IFNAR1: variants seen among roughly 807,000 people sequenced by gnomAD.
The protein encoded by IFNAR1 is interferon alpha and beta receptor subunit 1.
Under a neutral mutation model 62.1 loss-of-function variants are expected in IFNAR1, and 47 were observed. The observed-to-expected ratio is 0.76, with a 90% CI of 0.60 to 0.97. The LOEUF is 0.97. IFNAR1 is among the 50% of genes least tolerant of loss of function. The probability of loss-of-function intolerance (pLI) is 0.00; values close to 1 mark genes in which losing one functional copy is unlikely to be tolerated. For missense variants in IFNAR1, 638 were observed against 654.5 expected (o/e 0.97, Z 0.27); for synonymous variants, 219 against 226.9 (o/e 0.97, Z 0.31).
At chr21:33,339,643 C>A (rs923368669) in intron 2 of IFNAR1, among the ~76,000 whole-genome samples, 1 of 151,942 alleles carries the variant, frequency 6.6e-6, no homozygotes, top group Non-Finnish European at 1.5e-5. Flanking sequence ...CTAAATTGGC[C>A]GGGCATGGTG....
chr21:33,330,347 T>C (rs1473846650), intron 1 of IFNAR1, among the ~76,000 whole-genome samples: 1 of 152,170 alleles, frequency 6.6e-6, no homozygotes, highest in African/African-American at 2.4e-5. Context: ...AATCTCCCTC[T>C]GCTTCATTTT....
chr21:33,347,319 G>A (rs1280474160), intron 6 of IFNAR1, among the ~76,000 whole-genome samples: 1 of 152,174 alleles, frequency 6.6e-6, no homozygotes, highest in African/African-American at 2.4e-5. Flanking sequence ...TAGTAGAAAC[G>A]GGGTTTCACC....
chr21:33,344,505 A>G (rs532334453), intron 5 of IFNAR1, among the ~76,000 whole-genome samples: 1 of 148,778 alleles, frequency 6.7e-6, no homozygotes, highest in African/African-American at 2.4e-5. Flanking sequence ...CTTATCCCCA[A>G]TTCCATTCAC....
In IFNAR1 at chr21:33,353,768, T is replaced by C. The variant is rs899734810; in HGVS notation, c.1425T>C (p.Ser475=). 4 of 1,579,010 alleles carry C rather than the reference T, an allele frequency of 2.5e-6. No individual in the cohort carries two copies. Among genetic ancestry groups the C allele is most frequent in the African/African-American group, 2.7e-5 (2 of 72,844 alleles). ...NYVFFPSLKP[S]SSIDEYFSEQ... ...TCTTCTTTCCATCACTTAAACCTTC[T>C]TCCAGTATAGATGAGGTATGTTACT... Residue 475 remains serine, a synonymous_variant, in exon 10 of 11, where the codon TCT becomes TCC. Coordinates refer to ENST00000270139, the MANE Select transcript of IFNAR1 (RefSeq NM_000629.3).
intron 1 of IFNAR1, among the ~76,000 whole-genome samples, chr21:33,331,312 C>T (rs2083178102): frequency 6.6e-6 from 1 of 152,150 alleles, no homozygotes; most frequent in Admixed American, 6.5e-5. Flanking sequence ...GGAAACAGGG[C>T]CTGAACCACC....
Position 33,349,514 on chromosome 21 carries a change from A to AT in IFNAR1, c.1120dup (p.Trp374LeufsTer8). ...GGATTATCCACTGATTTATGAAATT[A>AT]TTTTTTGGGAAAACACTTCAAATGC... On this transcript the variant is annotated frameshift_variant, in exon 8 of 11. Transcript: ENST00000270139. LOFTEE classifies it high-confidence loss of function. The AT allele has an allele frequency of 6.2e-7, 1 of 1,610,568 alleles. No homozygotes were observed. The highest frequency in any genetic ancestry group is 8.5e-7 in the Non-Finnish European group (1 of 1,178,038).
intron 1 of IFNAR1, among the ~76,000 whole-genome samples, chr21:33,333,624 T>TG (rs2083202930): frequency 7.7e-6 from 1 of 130,262 alleles, no homozygotes; most frequent in Non-Finnish European, 1.5e-5. Context: ...ATTTTTTTTT[T>TG]TCTTTTTTTT....
chr21:33,331,035 T>A (rs958579498), intron 1 of IFNAR1, among the ~76,000 whole-genome samples: 5 of 152,170 alleles, frequency 3.3e-5, no homozygotes, highest in African/African-American at 1.2e-4. Context: ...CTGGAGTGTG[T>A]CTTGCTTCGG....
chr21:33,334,346 A>T (rs2083212380), intron 1 of IFNAR1, among the ~76,000 whole-genome samples: 1 of 152,138 alleles, frequency 6.6e-6, no homozygotes, highest in South Asian at 2.1e-4. Context: ...AAAGACAGAG[A>T]AGTGACTTGT....
At chr21:33,327,109 C>T (rs531995808) in intron 1 of IFNAR1, among the ~76,000 whole-genome samples, 3 of 152,216 alleles carry the variant, frequency 2.0e-5, no homozygotes, top group African/African-American at 7.2e-5. Flanking sequence ...ATGTAGTATA[C>T]TTTTCCTAGG....
At chr21:33,352,075 G>A (rs750339363) in intron 8 of IFNAR1, among the ~76,000 whole-genome samples, 3 of 152,072 alleles carry the variant, frequency 2.0e-5, no homozygotes, top group Non-Finnish European at 2.9e-5. Flanking sequence ...ATCAGGTAGA[G>A]AGAAATTAAA....
At chr21:33,327,363 GC>G (rs2083136044) in intron 1 of IFNAR1, among the ~76,000 whole-genome samples, 1 of 152,140 alleles carries the variant, frequency 6.6e-6, no homozygotes, top group African/African-American at 2.4e-5. Context: ...TGTGTGCCAG[GC>G]AGTAATCTAA....
At chr21:33,344,091 C>T (rs1179683012) in intron 5 of IFNAR1, among the ~76,000 whole-genome samples, 2 of 152,010 alleles carry the variant, frequency 1.3e-5, no homozygotes, top group Non-Finnish European at 2.9e-5. Context: ...GTGGAAGTTG[C>T]AGTGAGCCAA....
chr21:33,345,964 G>A (rs1435730928), intron 6 of IFNAR1, among the ~76,000 whole-genome samples: 1 of 152,184 alleles, frequency 6.6e-6, no homozygotes. Context: ...CATGCCTATC[G>A]TCCCAGCTAC....
At chr21:33,327,242 T>C (rs988871866) in intron 1 of IFNAR1, among the ~76,000 whole-genome samples, 3 of 152,352 alleles carry the variant, frequency 2.0e-5, no homozygotes, top group African/African-American at 7.2e-5. Flanking sequence ...AATTTTCATA[T>C]AAAATTGACA....
Position 33,343,220 on chromosome 21 carries a change from G to A in IFNAR1, c.377-48G>A, listed in dbSNP as rs569860128. 4.3e-5 allele frequency: 65 copies of A among 1,524,472 alleles called. 2 individuals are homozygous for A. In the South Asian group the frequency reaches 6.8e-4, roughly 16 times the overall value. The allele number at this position is 1,524,472 out of a possible 1,614,324, so 94.4% of individuals were successfully genotyped here. A position where few individuals can be genotyped will look rare whatever the true frequency, so the allele number is the denominator to read the frequency against. ...AATTATTTGTTGAATGAAGGTTTTG[G>A]CATTGTATTAATAAAGTTCCATAGT... is the stretch of plus-strand genomic sequence containing the variant. On this transcript the variant is annotated intron_variant, in intron 3 of 10. Transcript: ENST00000270139.
chr21:33,325,215 G>T, intron 1 of IFNAR1, 84 bp downstream of exon 1: 1 of 1,170,656 alleles, frequency 8.5e-7, no homozygotes, highest in Non-Finnish European at 1.2e-6. Context: ...GCTGTTGGGG[G>T]CGACAGACGC....
At chr21:33,340,316 A>C (rs746096858) in intron 2 of IFNAR1, among the ~76,000 whole-genome samples, 9 of 152,132 alleles carry the variant, frequency 5.9e-5, no homozygotes, top group Non-Finnish European at 1.2e-4. Flanking sequence ...GGAGGAGGTC[A>C]GAAGGGAATC....
chr21:33,325,471 C>T (rs2083118261), intron 1 of IFNAR1, among the ~76,000 whole-genome samples: 1 of 152,224 alleles, frequency 6.6e-6, no homozygotes, highest in South Asian at 2.1e-4. Flanking sequence ...ATAAACAAAA[C>T]ATTTCCCGAA....
Sources: allele counts gnomAD v4.1 joint callset (sites outside exome capture counted in the v4.1 genomes callset), GRCh38; gene constraint gnomAD v4.1.1; transcripts MANE v1.5; gene names NCBI Gene and HGNC (gene_info 2026-07-23, HGNC 2026-07-21).